Variants in COL24A1 observed in about 807,000 individuals in gnomAD.
The protein encoded by COL24A1 is collagen alpha-1(XXIV) chain.
A neutral mutation model predicts 253.9 loss-of-function variants in COL24A1; 224 were observed. The observed-to-expected ratio is 0.88, with a 90% confidence interval of 0.79 to 0.99. The LOEUF (loss-of-function observed/expected upper bound fraction) is 0.99, where lower values mean the gene tolerates loss of function less well. COL24A1 is among the 50% of genes least tolerant of loss of function. The pLI is 0.00. For missense variants in COL24A1, 2,131 were observed against 2,068.5 expected (o/e 1.03, Z -0.59); for synonymous variants, 685 against 673.7 (o/e 1.02, Z -0.26).
chr1:86,137,487 G>A (rs1650433637), intron 2 of COL24A1, among the ~76,000 whole-genome samples: 1 of 152,168 alleles, frequency 6.6e-6, no homozygotes, highest in Non-Finnish European at 1.5e-5. Flanking sequence ...AGGGAGTGCA[G>A]AGGCAGAATT....
chr1:85,965,733 C>G (rs979678109), intron 22 of COL24A1, among the ~76,000 whole-genome samples: 2 of 151,938 alleles, frequency 1.3e-5, no homozygotes, highest in Non-Finnish European at 2.9e-5. Flanking sequence ...AAGAAAGGGA[C>G]AAGTTAAATG....
intron 5 of COL24A1, among the ~76,000 whole-genome samples, chr1:86,108,926 AGTAATT>A (rs1409953099): frequency 6.6e-6 from 1 of 152,212 alleles, no homozygotes; most frequent in Non-Finnish European, 1.5e-5. Context: ...CTGGTGCAAA[AGTAATT>A]GTGGTTTCTG....
chr1:86,016,239 T>C (rs1696981691), intron 19 of COL24A1, among the ~76,000 whole-genome samples: 1 of 152,074 alleles, frequency 6.6e-6, no homozygotes, highest in African/African-American at 2.4e-5. Flanking sequence ...AGGCATTTTC[T>C]AAAGAAATCA....
At chr1:85,834,370 G>A (rs1445173492) in intron 43 of COL24A1, among the ~76,000 whole-genome samples, 1 of 152,072 alleles carries the variant, frequency 6.6e-6, no homozygotes, top group African/African-American at 2.4e-5. Flanking sequence ...TCATCTACTG[G>A]TTTAGACATC....
intron 37 of COL24A1, among the ~76,000 whole-genome samples, chr1:85,864,786 C>G (rs1398151773): frequency 2.0e-5 from 3 of 152,124 alleles, no homozygotes; most frequent in Non-Finnish European, 4.4e-5. Context: ...TAAATCCAAC[C>G]AAATTTTGTC....
chr1:85,990,947 T>C (rs1248730302), intron 19 of COL24A1, among the ~76,000 whole-genome samples: 2 of 152,182 alleles, frequency 1.3e-5, no homozygotes, highest in Non-Finnish European at 1.5e-5. Context: ...TGAAGGGATG[T>C]ATTCCAGCCA....
At chr1:85,959,634 T>C (rs1690817078) in intron 24 of COL24A1, among the ~76,000 whole-genome samples, 1 of 152,100 alleles carries the variant, frequency 6.6e-6, no homozygotes, top group African/African-American at 2.4e-5. Flanking sequence ...GAAATGTCAC[T>C]TGGCACTATA....
intron 2 of COL24A1, among the ~76,000 whole-genome samples, chr1:86,139,028 T>C (rs1467605208): frequency 1.3e-5 from 2 of 152,134 alleles, no homozygotes; most frequent in Admixed American, 6.6e-5. Context: ...AGTATGCTAA[T>C]AAAATCAGTC....
At chr1:86,033,753 G>A in intron 13 of COL24A1, 117 bp downstream of exon 13, 2 of 890,574 alleles carry the variant, frequency 2.2e-6, no homozygotes, top group East Asian at 3.0e-5. Context: ...ACAGTGGTGT[G>A]GAGATTGTTT....
intron 21 of COL24A1, 122 bp downstream of exon 21, chr1:85,971,218 A>G: frequency 1.3e-6 from 1 of 754,020 alleles, no homozygotes; most frequent in Non-Finnish European, 2.2e-6. Flanking sequence ...AAATATATAA[A>G]TAAAATGGTA....
chr1:85,765,408 T>C (rs1667258616), intron 53 of COL24A1, among the ~76,000 whole-genome samples: 1 of 151,874 alleles, frequency 6.6e-6, no homozygotes, highest in South Asian at 2.1e-4. Context: ...TTACATTTTG[T>C]CAAAATTATT....
intron 10 of COL24A1, among the ~76,000 whole-genome samples, chr1:86,056,771 T>C (rs1357395109): frequency 1.3e-5 from 2 of 151,738 alleles, no homozygotes; most frequent in Non-Finnish European, 2.9e-5. Flanking sequence ...GGAGAATCGC[T>C]TGGACCCGGG....
At chr1:85,899,985 G>A (rs573847536) in intron 28 of COL24A1, among the ~76,000 whole-genome samples, 14 of 152,206 alleles carry the variant, frequency 9.2e-5, no homozygotes, top group South Asian at 6.2e-4. Context: ...GGTTAATCCC[G>A]TCAGCAAGTG....
At chr1:85,943,504 A>C (rs1286888891) in intron 24 of COL24A1, among the ~76,000 whole-genome samples, 7 of 152,242 alleles carry the variant, frequency 4.6e-5, no homozygotes, top group Admixed American at 4.6e-4. Flanking sequence ...ACAATGAAAG[A>C]GATCTGTGAA....
At chr1:86,151,537 C>A (rs1652774868) in intron 1 of COL24A1, among the ~76,000 whole-genome samples, 1 of 152,104 alleles carries the variant, frequency 6.6e-6, no homozygotes, top group African/African-American at 2.4e-5. Flanking sequence ...CACTTTGACA[C>A]CAGCAACAGT....
chr1:86,002,140 G>A (rs974511716), intron 19 of COL24A1, among the ~76,000 whole-genome samples: 12 of 152,220 alleles, frequency 7.9e-5, no homozygotes, highest in African/African-American at 2.9e-4. Context: ...ATTCCCATAG[G>A]TGGATCTTTG....
chr1:85,736,299 CA>C, intron 58 of COL24A1: 1 of 456,168 alleles, frequency 2.2e-6, no homozygotes, highest in Non-Finnish European at 4.4e-6. Context: ...GTTTATGAAT[CA>C]AAGAAATTAG....
intron 19 of COL24A1, among the ~76,000 whole-genome samples, chr1:86,013,802 T>A (rs966202199): frequency 1.3e-5 from 2 of 152,178 alleles, no homozygotes; most frequent in South Asian, 2.1e-4. Flanking sequence ...CACCACTGCA[T>A]TCCAGCCTGG....
At chr1:85,747,838 A>T (rs1319234389) in intron 55 of COL24A1, among the ~76,000 whole-genome samples, 1 of 152,134 alleles carries the variant, frequency 6.6e-6, no homozygotes, top group Admixed American at 6.5e-5. Flanking sequence ...ACCTCAATGA[A>T]CGTTTTGTAC....
Sources: allele counts gnomAD v4.1 joint callset (sites outside exome capture counted in the v4.1 genomes callset), GRCh38; gene constraint gnomAD v4.1.1; transcripts MANE v1.5; gene names NCBI Gene and HGNC (gene_info 2026-07-23, HGNC 2026-07-21).